Variants in KCNQ2 observed in about 807,000 individuals in gnomAD.
The protein encoded by KCNQ2 is potassium voltage-gated channel subfamily Q member 2, also known as potassium voltage-gated channel subfamily KQT member 2.
A neutral mutation model predicts 84.8 loss-of-function variants in KCNQ2; 14 were observed. The observed-to-expected ratio is 0.17, with a 90% CI of 0.11 to 0.26. The LOEUF (loss-of-function observed/expected upper bound fraction) is 0.26, where lower values mean the gene tolerates loss of function less well. KCNQ2 is among the 10% of genes least tolerant of loss of function. KCNQ2 has a pLI of 1.00. For synonymous variants in KCNQ2, 599 were observed against 554.1 expected (o/e 1.08, Z -1.14); for missense variants, 788 against 1,254.0 (o/e 0.63, Z 5.61).
chr20:63,465,557 CG>C (rs956246474), intron 1 of KCNQ2, among the ~76,000 whole-genome samples: 1 of 152,208 alleles, frequency 6.6e-6, no homozygotes, highest in Non-Finnish European at 1.5e-5. Context: ...AGAGAAAGCT[CG>C]GCACACGGGC....
intron 1 of KCNQ2, among the ~76,000 whole-genome samples, chr20:63,468,755 A>G (rs2082141062): frequency 6.6e-6 from 1 of 152,246 alleles, no homozygotes; most frequent in Non-Finnish European, 1.5e-5. Context: ...CCCCGGTGCC[A>G]GATTTCCCAT....
In KCNQ2 at chr20:63,407,126, G is replaced by A; in HGVS notation, c.2137C>T (p.Pro713Ser). 1 of 1,556,052 alleles carries A rather than the reference G, an allele frequency of 6.4e-7. No individual in the cohort carries two copies. Among genetic ancestry groups the A allele is most frequent in the African/African-American group, 1.4e-5 (1 of 73,758 alleles). The part of the protein sequence containing the change: ...APPAAPPVQC[P>S]PSTSWQPQSH... ...TGTGGCTGCCAGGAGGTGGAGGGCG[G>A]ACACTGGACAGGGGGCGCGGCCGGG... is the stretch of plus-strand genomic sequence containing the variant. Residue 713 changes from proline (P) to serine (S), a missense_variant, in exon 17 of 17, where the codon CCG becomes TCG. By Grantham distance (74) the Pro-to-Ser change is moderately conservative (BLOSUM62 -1). Coordinates refer to ENST00000359125, the MANE Select transcript of KCNQ2 (RefSeq NM_172107.4). This position sits in a 1 kb window ranked among gnomAD's most constrained non-coding sequence, Gnocchi z 7.2.
chr20:63,437,849 A>G (rs886988964), intron 7 of KCNQ2, among the ~76,000 whole-genome samples: 2 of 152,018 alleles, frequency 1.3e-5, no homozygotes, highest in Non-Finnish European at 2.9e-5. Context: ...TCGCTCTGTC[A>G]CCCAGGCTGG....
At chr20:63,432,929 T>C (rs1188818624) in intron 8 of KCNQ2, among the ~76,000 whole-genome samples, 3 of 152,016 alleles carry the variant, frequency 2.0e-5, no homozygotes, top group African/African-American at 7.3e-5. Flanking sequence ...AGAAACCCCC[T>C]AGGAGCAGGT....
chr20:63,417,460 C>A (rs1004116895), intron 12 of KCNQ2, among the ~76,000 whole-genome samples: 1 of 152,244 alleles, frequency 6.6e-6, no homozygotes, highest in East Asian at 1.9e-4. Context: ...TCCTTTCTCA[C>A]GGCAGCTGGC....
rs989880394 is a variant in KCNQ2, at chr20:63,404,606, G to A, written c.*2038C>T. On this transcript the variant is annotated 3_prime_UTR_variant, in exon 17 of 17. Transcript: ENST00000359125. ...GACGCACTCATACCCCTGCCTGTGG[G>A]CCCCGCTATGGATTCCCTGCCCCAT... 1 of 152,310 alleles carries A rather than the reference G, an allele frequency of 6.6e-6. No homozygotes were observed. Among genetic ancestry groups the A allele is most frequent in the African/African-American group, 2.4e-5 (1 of 41,450 alleles). 9.4% of individuals were successfully genotyped at this position (152,310 alleles called of 1,614,324 possible).
chr20:63,454,261 AGCTGCCCCTCCCGCC>A (rs1317222888), intron 1 of KCNQ2, among the ~76,000 whole-genome samples: 14 of 152,180 alleles, frequency 9.2e-5, no homozygotes, highest in Non-Finnish European at 2.1e-4. Context: ...TGAAGGAAGC[AGCTGCCCCTCCCGCC>A]GCTGCCCCTC....
chr20:63,400,556 G>A lies in KCNQ2; in HGVS notation c.*6088C>T, dbSNP rs568473001. 9.3e-5 allele frequency: 37 copies of A among 398,446 alleles called. No individual in the cohort carries two copies. The highest frequency in any genetic ancestry group is 7.6e-4 in the African/African-American group (37 of 48,758). The allele number at this position is 398,446 out of a possible 1,614,324, so 24.7% of individuals were successfully genotyped here. A position where few individuals can be genotyped will look rare whatever the true frequency, so the allele number is the denominator to read the frequency against. On this transcript the variant is annotated 3_prime_UTR_variant, in exon 17 of 17. Coordinates refer to ENST00000359125, the MANE Select transcript of KCNQ2 (RefSeq NM_172107.4). This position sits in a 1 kb window ranked among gnomAD's most constrained non-coding sequence, Gnocchi z 8.7. ...ACGGCACAAGGACACATACAAAATGGTCAGAAGTGTACGTCGGTACTGAAG... is the reference window on the plus strand; with the variant it reads ...ACGGCACAAGGACACATACAAAATGATCAGAAGTGTACGTCGGTACTGAAG...
intron 7 of KCNQ2, among the ~76,000 whole-genome samples, chr20:63,436,477 G>A (rs2081010483): frequency 6.6e-6 from 1 of 151,688 alleles, no homozygotes; most frequent in Non-Finnish European, 1.5e-5. Flanking sequence ...CTTGCAGTGA[G>A]CTGAGATCGC....
At chr20:63,471,980 C>A (rs2145919915) in intron 1 of KCNQ2, among the ~76,000 whole-genome samples, 188 bp downstream of exon 1, 1 of 152,312 alleles carries the variant, frequency 6.6e-6, no homozygotes, top group South Asian at 2.1e-4. Flanking sequence ...CGGAATCCTT[C>A]CTGCCCGCGC....
At position 63,414,200 on chromosome 20, in the gene KCNQ2, G is replaced by T. The variant is rs761567082; in HGVS notation, c.1526-7C>A. On this transcript the variant is annotated splice_polypyrimidine_tract_variant and splice_region_variant and intron_variant, in intron 13 of 16. Transcript: ENST00000359125. This position sits in a 1 kb window ranked among gnomAD's most constrained non-coding sequence, Gnocchi z 6.6. ...TCTCCGGGGAGGCTTGCTTCTGGGG[G>T]GAAGGAGACAGGCCGTGAGGGGCCG... 6.2e-7 allele frequency: 1 copy of T among 1,608,698 alleles called. No homozygotes were observed. The highest frequency in any genetic ancestry group is 8.5e-7 in the Non-Finnish European group (1 of 1,175,666).
chr20:63,469,881 G>A (rs961221218), intron 1 of KCNQ2, among the ~76,000 whole-genome samples: 7 of 152,230 alleles, frequency 4.6e-5, no homozygotes, highest in Non-Finnish European at 7.3e-5. Flanking sequence ...GCTGGGCCAC[G>A]GGGACAGCAG....
At chr20:63,415,209 GGCCGAC>G in intron 12 of KCNQ2, 83 bp from the exon 13 acceptor site, 1 of 1,270,964 alleles carries the variant, frequency 7.9e-7, no homozygotes, top group Non-Finnish European at 1.1e-6. Flanking sequence ...GTCTGCTCAT[GGCCGAC>G]GCCGCCCATG....
chr20:63,443,403 CCACCAT>C (rs751919835), intron 4 of KCNQ2, among the ~76,000 whole-genome samples: 347 of 14,218 alleles, frequency 0.024, 6 homozygotes, highest in African/African-American at 0.08. Context: ...ATCACCATCA[CCACCAT>C]CACCATCACC....
At chr20:63,435,794 C>T (rs775023742) in intron 7 of KCNQ2, among the ~76,000 whole-genome samples, 12 of 152,210 alleles carry the variant, frequency 7.9e-5, no homozygotes, top group Non-Finnish European at 1.6e-4. Flanking sequence ...AGCCAGTGAA[C>T]TCTGTTTCCA....
intron 12 of KCNQ2, among the ~76,000 whole-genome samples, chr20:63,417,170 T>C (rs2080323674): frequency 6.6e-6 from 1 of 152,028 alleles, no homozygotes; most frequent in South Asian, 2.1e-4. Context: ...TGTGGGTGCC[T>C]CTGTCCCAAC....
chr20:63,408,078 G>A lies in KCNQ2; in HGVS notation c.1887+335C>T, dbSNP rs1041689242. On this transcript the variant is annotated intron_variant, in intron 16 of 16. Transcript: ENST00000359125. This position sits in a 1 kb window ranked among gnomAD's most constrained non-coding sequence, Gnocchi z 5.0. ...AGCGGCCAGGGTGTCGGGCAAGGAG[G>A]ACAGAGAGGAGGAAGGCCAGGCAGG... 5.5e-6 allele frequency: 2 copies of A among 365,940 alleles called. No individual in the cohort carries two copies. Among genetic ancestry groups the A allele is most frequent in the African/African-American group, 4.2e-5 (2 of 47,880 alleles). 22.7% of individuals were successfully genotyped at this position (365,940 alleles called of 1,614,324 possible). A position where few individuals can be genotyped will look rare whatever the true frequency, so the allele number is the denominator to read the frequency against.
Position 63,407,434 on chromosome 20 carries a change from C to T in KCNQ2, c.1888-59G>A. On this transcript the variant is annotated intron_variant, in intron 16 of 16. Coordinates refer to ENST00000359125, the MANE Select transcript of KCNQ2 (RefSeq NM_172107.4). The surrounding 1 kb of genome is among the most constrained non-coding windows in gnomAD (Gnocchi z 7.2). ...GCCCGTCCCAGGAGATGTGGGGACC[C>T]AGGCTGCTCCCAGGAAATGGGGGGG... 1.3e-6 allele frequency: 2 copies of T among 1,577,250 alleles called. No individual in the cohort carries two copies. The highest frequency in any genetic ancestry group is 2.2e-5 in the East Asian group (1 of 44,534).
At position 63,425,037 on chromosome 20, in the gene KCNQ2, A is replaced by G. The variant is rs1013533704; in HGVS notation, c.1218-831T>C. The stretch of plus-strand genomic sequence containing the variant: ...CACCTCCTGCAGCTCCCGGTGGCCC[A>G]GGTGTCCTTGGCTTGTGGCTGCACC... On this transcript the variant is annotated intron_variant, in intron 10 of 16. Transcript: ENST00000359125. This position sits in a 1 kb window ranked among gnomAD's most constrained non-coding sequence, Gnocchi z 5.5. 2.0e-5 allele frequency among the ~76,000 whole-genome samples: 3 copies of G among 152,078 alleles called. No individual in the cohort carries two copies. The highest frequency in any genetic ancestry group is 2.9e-5 in the Non-Finnish European group (2 of 68,004).
Sources: gnomAD v4.1 joint callset for allele counts (sites outside exome capture counted in the v4.1 genomes callset) on GRCh38, gnomAD v4.1.1 for gene constraint, Gnocchi (gnomAD v3.1) non-coding constraint, MANE v1.5 for transcripts, NCBI Gene and HGNC (gene_info 2026-07-23, HGNC 2026-07-21) for gene names.